ZNF707: variants seen among roughly 807,000 people sequenced by gnomAD.
ZNF707 encodes zinc finger protein 707.
Under a neutral mutation model 13.3 loss-of-function variants are expected in ZNF707, and 8 were observed. That is an observed-to-expected ratio of 0.60 (90% confidence interval 0.35 to 1.09). The LOEUF (loss-of-function observed/expected upper bound fraction) is 1.09. Among genes scored for constraint, ZNF707 ranks in the 50% least tolerant of loss-of-function variants. The pLI is 0.02. For missense variants in ZNF707, 530 were observed against 512.6 expected (o/e 1.03, Z -0.33); for synonymous variants, 225 against 205.6 (o/e 1.09, Z -0.81).
In ZNF707 at chr8:143,691,353, C is replaced by T. The variant is rs1816796829; in HGVS notation, c.142+154C>T. 3.8e-6 allele frequency: 5 copies of T among 1,330,058 alleles called. No homozygotes were observed. The Admixed American group carries it at 8.6e-5, about 23-fold the overall frequency. The allele number at this position is 1,330,058 out of a possible 1,614,324, so 82.4% of individuals were successfully genotyped here. On this transcript the variant is annotated intron_variant, in intron 4 of 5. Coordinates refer to ENST00000358656, the MANE Select transcript of ZNF707 (RefSeq NM_001100598.2). ...TATTGGCTTATGTAGACAGAGGGGC[C>T]CACTCAGCGTTTCTCTCGGGCTCCC...
At chr8:143,692,230 TA>T in intron 5 of ZNF707, 1 of 1,290,744 alleles carries the variant, frequency 7.7e-7, no homozygotes, top group Non-Finnish European at 1.0e-6. Flanking sequence ...TTTTGCTTTT[TA>T]CTTACATTTT....
At chr8:143,690,566 GAA>G in intron 3 of ZNF707, 6 of 169,494 alleles carry the variant, frequency 3.5e-5, no homozygotes, top group East Asian at 1.5e-4. Context: ...TCTCAAAAAA[GAA>G]AAAAAAAAAG....
chr8:143,687,527 G>A (rs60982137), intron 1 of ZNF707: 35,189 of 151,968 alleles, frequency 0.23, 5,457 homozygotes, highest in East Asian at 0.75. Context: ...GTAGAGACAG[G>A]GTTTTGCCAT....
Position 143,693,886 on chromosome 8 carries a change from G to T in ZNF707, c.472G>T (p.Gly158Trp), listed in dbSNP as rs782289041. The T allele has an allele frequency of 1.9e-6, 3 of 1,606,854 alleles. No individual in the cohort carries two copies. Among genetic ancestry groups the T allele is most frequent in the Non-Finnish European group, 1.7e-6 (2 of 1,175,930 alleles). The change falls in exon 6 of 6, where the codon GGG becomes TGG. Residue 158 changes from glycine (G) to tryptophan (W), a missense_variant. Coordinates refer to ENST00000358656, the MANE Select transcript of ZNF707 (RefSeq NM_001100598.2). This position sits in a 1 kb window ranked among gnomAD's most constrained non-coding sequence, Gnocchi z 4.1. ...FPCQVLTQRC[G>W]RRPGRRERRK... is the part of the protein sequence containing the mutation. ...GTGTCAGGTGCTCACGCAGCGTTGT[G>T]GGCGGCGGCCGGGCCGCAGAGAGCG...
chr8:143,687,323 T>TTTTG (rs781919156), intron 1 of ZNF707: 4 of 152,212 alleles, frequency 2.6e-5, no homozygotes, highest in Non-Finnish European at 4.4e-5. Flanking sequence ...AGTTTGTGTT[T>TTTTG]TTTGTTTGTT....
intron 3 of ZNF707, 105 bp from the exon 4 acceptor site, chr8:143,690,968 T>A: frequency 7.1e-7 from 1 of 1,402,542 alleles, no homozygotes; most frequent in African/African-American, 1.4e-5. Context: ...ACACAAACAA[T>A]CAGTCCACCG....
Position 143,694,077 on chromosome 8 carries a change from C to A in ZNF707, c.663C>A (p.Arg221=). The A allele has an allele frequency of 6.2e-7, 1 of 1,608,236 alleles. No homozygotes were observed. Among genetic ancestry groups the A allele is most frequent in the African/African-American group, 1.3e-5 (1 of 74,970 alleles). ...QTFRWASNLQ[R]HQKNHTREKP... is the part of the protein sequence containing the mutation. The stretch of plus-strand genomic sequence containing the variant: ...TCCGGTGGGCTTCAAACCTGCAGCG[C>A]CACCAGAAGAACCACACGCGCGAGA... The change falls in exon 6 of 6, where the codon CGC becomes CGA. Residue 221 remains arginine, a synonymous_variant. Transcript: ENST00000358656. The surrounding 1 kb of genome is among the most constrained non-coding windows in gnomAD (Gnocchi z 4.4).
In ZNF707 at chr8:143,693,313, C is replaced by G. The variant is rs557627812; in HGVS notation, c.257-358C>G. 2.0e-5 allele frequency among the ~76,000 whole-genome samples: 3 copies of G among 151,158 alleles called. No homozygotes were observed. Among genetic ancestry groups the G allele is most frequent in the African/African-American group, 7.3e-5 (3 of 41,172 alleles). ...TTTTTTTTTTTGAGACGGAGTCTCG[C>G]TCTGTCGCCCAGGCTGGACTGCGGA... On this transcript the variant is annotated intron_variant, in intron 5 of 5. Transcript: ENST00000358656. This position sits in a 1 kb window ranked among gnomAD's most constrained non-coding sequence, Gnocchi z 4.1.
chr8:143,689,583 C>T (rs915237480), intron 2 of ZNF707, among the ~76,000 whole-genome samples: 21 of 152,180 alleles, frequency 1.4e-4, no homozygotes, highest in Non-Finnish European at 2.9e-4. Context: ...ACCAGGTTTT[C>T]ACTTGGGGGA....
chr8:143,693,734 C>G lies in ZNF707; in HGVS notation c.320C>G (p.Thr107Ser). ...CDHPAWAHKK[T>S]HVRRERAREG... Reference sequence around the variant, plus strand: ...CATCCAGCTTGGGCTCACAAGAAAACCCACGTGCGGCGAGAAAGAGCCAGG... The same window carrying G: ...CATCCAGCTTGGGCTCACAAGAAAAGCCACGTGCGGCGAGAAAGAGCCAGG... Residue 107 changes from threonine to serine, a missense_variant, in exon 6 of 6, where the codon ACC (threonine) becomes AGC (serine). Transcript: ENST00000358656. This position sits in a 1 kb window ranked among gnomAD's most constrained non-coding sequence, Gnocchi z 4.1. 2 of 1,612,480 alleles carry G rather than the reference C, an allele frequency of 1.2e-6. No individual in the cohort carries two copies. Among genetic ancestry groups the G allele is most frequent in the Non-Finnish European group, 8.5e-7 (1 of 1,179,450 alleles).
chr8:143,693,975 C>T lies in ZNF707; in HGVS notation c.561C>T (p.Cys187=), dbSNP rs782176203. ...ICGTCGKALS[C]HSRLLAHQTV... ...GCACGTGCGGGAAGGCGCTCAGCTG[C>T]CACAGCCGGCTGCTCGCTCACCAGA... Residue 187 remains cysteine, a synonymous_variant, in exon 6 of 6, where the codon TGC becomes TGT. Transcript: ENST00000358656. This position sits in a 1 kb window ranked among gnomAD's most constrained non-coding sequence, Gnocchi z 4.1. The T allele has an allele frequency of 6.1e-5, 98 of 1,601,610 alleles. No homozygotes were observed. Among genetic ancestry groups the T allele is most frequent in the African/African-American group, 9.4e-5 (7 of 74,728 alleles).
intron 5 of ZNF707, chr8:143,691,949 C>G: frequency 7.7e-7 from 1 of 1,302,732 alleles, no homozygotes; most frequent in Non-Finnish European, 1.1e-6. Context: ...TGACATACAG[C>G]TGCAGCTCGG....
chr8:143,687,957 G>A (rs778919054), intron 1 of ZNF707: 4 of 143,972 alleles, frequency 2.8e-5, no homozygotes, highest in Non-Finnish European at 6.0e-5. Context: ...AATTTGGTTA[G>A]TTATATCATT....
At chr8:143,685,888 A>G (rs1554611862) in intron 1 of ZNF707, among the ~76,000 whole-genome samples, 1 of 152,166 alleles carries the variant, frequency 6.6e-6, no homozygotes, top group Non-Finnish European at 1.5e-5. Flanking sequence ...GAAAAAAAGT[A>G]GCTATGACAA....
At position 143,694,413 on chromosome 8, in the gene ZNF707, C is replaced by G. The variant is rs1409578475; in HGVS notation, c.999C>G (p.Ile333Met). The change falls in exon 6 of 6, where the codon ATC becomes ATG. Residue 333 changes from isoleucine to methionine, a missense_variant. Coordinates refer to ENST00000358656, the MANE Select transcript of ZNF707 (RefSeq NM_001100598.2). This position sits in a 1 kb window ranked among gnomAD's most constrained non-coding sequence, Gnocchi z 4.4. ...TCCGGTGGCCCAAGGGCTTCAGCAT[C>G]CACCGGAGGCTGCACCTGACGAAGA... The part of the protein sequence containing the change: ...KSFRWPKGFS[I>M]HRRLHLTKRF... 2 of 1,612,370 alleles carry G rather than the reference C, an allele frequency of 1.2e-6. No individual in the cohort carries two copies. The highest frequency in any genetic ancestry group is 1.1e-5 in the South Asian group (1 of 90,990).
rs1554614507 is a variant in ZNF707, at chr8:143,694,012, G to A, written c.598G>A (p.Gly200Arg). Reference sequence around the variant, plus strand: ...GCTCGCTCACCAGACGGTGCACACGGGAACCAAGGCCTTCGAGTGCCCCGA... The same window carrying A: ...GCTCGCTCACCAGACGGTGCACACGAGAACCAAGGCCTTCGAGTGCCCCGA... ...RLLAHQTVHT[G>R]TKAFECPECG... is the part of the protein sequence containing the mutation. Residue 200 changes from glycine (G) to arginine (R), a missense_variant, in exon 6 of 6, where the codon GGA becomes AGA. Transcript: ENST00000358656. The surrounding 1 kb of genome is among the most constrained non-coding windows in gnomAD (Gnocchi z 4.4). The A allele has an allele frequency of 6.2e-6, 10 of 1,605,160 alleles. No individual in the cohort carries two copies. Among genetic ancestry groups the A allele is most frequent in the Non-Finnish European group, 8.5e-7 (1 of 1,177,086 alleles).
chr8:143,692,187 T>C, intron 5 of ZNF707: 1 of 1,292,052 alleles, frequency 7.7e-7, no homozygotes, highest in South Asian at 1.2e-5. Context: ...CTCCATTAGG[T>C]GAGGGTTGCT....
intron 3 of ZNF707, chr8:143,690,415 C>A: frequency 2.4e-6 from 1 of 413,832 alleles, no homozygotes; most frequent in Non-Finnish European, 4.3e-6. Context: ...ACTAAAAATA[C>A]AAAAAATTAG....
At position 143,691,126 on chromosome 8, in the gene ZNF707, G is replaced by C. The variant is rs34187159; in HGVS notation, c.69G>C (p.Ala23=). The stretch of plus-strand genomic sequence containing the variant: ...TCTACTTCTCAAGGGAGGAGTGGGC[G>C]TGTCTGGAACCCAGCCAGAGGGCCC... The part of the protein sequence containing the change: ...VAIYFSREEW[A]CLEPSQRALY... The change falls in exon 4 of 6, where the codon GCG becomes GCC. Residue 23 remains alanine, a synonymous_variant. Transcript: ENST00000358656. 3 of 1,613,728 alleles carry C rather than the reference G, an allele frequency of 1.9e-6. No individual in the cohort carries two copies. The highest frequency in any genetic ancestry group is 2.5e-6 in the Non-Finnish European group (3 of 1,179,844).
Sources: allele counts gnomAD v4.1 joint callset (sites outside exome capture counted in the v4.1 genomes callset), GRCh38; gene constraint gnomAD v4.1.1; non-coding constraint Gnocchi (gnomAD v3.1); transcripts MANE v1.5; gene names NCBI Gene and HGNC (gene_info 2026-07-23, HGNC 2026-07-21).